The following PSD3 variants were observed in gnomAD, a reference collection of about 807,000 sequenced individuals.
PSD3 encodes the protein pleckstrin and Sec7 domain containing 3, also known as PH and SEC7 domain-containing protein 3.
In PSD3, 49 loss-of-function variants were observed where a neutral mutation model predicts 105.5. The observed-to-expected ratio is 0.46, with a 90% CI of 0.37 to 0.59. The LOEUF (loss-of-function observed/expected upper bound fraction) is 0.59. PSD3 is among the 20% of genes least tolerant of loss of function. The pLI, the probability that PSD3 is intolerant of heterozygous loss-of-function variation, is 0.00. For synonymous variants in PSD3, 557 were observed against 457.8 expected (o/e 1.22, Z -2.77); for missense variants, 1,561 against 1,263.8 (o/e 1.24, Z -3.57).
At chr8:18,654,969 T>C (rs999989208) in intron 10 of PSD3, among the ~76,000 whole-genome samples, 3 of 152,148 alleles carry the variant, frequency 2.0e-5, no homozygotes, top group Non-Finnish European at 4.4e-5. Flanking sequence ...CCATTTGTAT[T>C]ACATTTTGCA....
chr8:18,995,361 G>A (rs1342983729), intron 1 of PSD3, among the ~76,000 whole-genome samples: 5 of 151,980 alleles, frequency 3.3e-5, no homozygotes, highest in Non-Finnish European at 5.9e-5. Flanking sequence ...TTTTTGCAAA[G>A]ATCAATAAAA....
At chr8:18,953,100 T>C (rs1419953879) in intron 1 of PSD3, among the ~76,000 whole-genome samples, 2 of 152,182 alleles carry the variant, frequency 1.3e-5, no homozygotes, top group South Asian at 4.1e-4. Flanking sequence ...AAATGGCGAA[T>C]ACACATTAAA....
At chr8:18,823,859 G>C (rs569818812) in intron 4 of PSD3, among the ~76,000 whole-genome samples, 1 of 151,726 alleles carries the variant, frequency 6.6e-6, no homozygotes, top group Non-Finnish European at 1.5e-5. Context: ...CTGACAAGGC[G>C]GCCTAGAAAG....
chr8:18,647,966 C>T (rs1215161600), intron 10 of PSD3, among the ~76,000 whole-genome samples: 2 of 152,176 alleles, frequency 1.3e-5, no homozygotes, highest in Non-Finnish European at 2.9e-5. Flanking sequence ...GAGGCCTCCC[C>T]AGAAGCTGAG....
At chr8:18,690,038 A>G (rs10503627) in intron 9 of PSD3, among the ~76,000 whole-genome samples, 9 of 152,170 alleles carry the variant, frequency 5.9e-5, no homozygotes, top group Non-Finnish European at 1.3e-4. Context: ...TGAAAGCTAA[A>G]TATTCCACGA....
At chr8:19,003,088 G>A (rs1826486224) in intron 1 of PSD3, among the ~76,000 whole-genome samples, 1 of 152,048 alleles carries the variant, frequency 6.6e-6, no homozygotes, top group Non-Finnish European at 1.5e-5. Context: ...ATGATGCAGT[G>A]AGGCACAGAG....
At position 18,527,710 on chromosome 8, in the gene PSD3, CT is replaced by C. The variant is rs1436542633; in HGVS notation, c.*8032del. The C allele has an allele frequency of 2.6e-5, 4 of 152,672 alleles. No homozygotes were observed. In the East Asian group the frequency reaches 7.7e-4, roughly 29 times the overall value. 9.5% of individuals were successfully genotyped at this position (152,672 alleles called of 1,614,324 possible). On this transcript the variant is annotated 3_prime_UTR_variant, in exon 16 of 16. Transcript: ENST00000327040. ...ACAATATCCACACAAATTACTGTTC[CT>C]TTCAAAAGAAGACCACCACAAACGC...
At chr8:18,581,203 T>G (rs908772931) in intron 12 of PSD3, among the ~76,000 whole-genome samples, 7 of 152,224 alleles carry the variant, frequency 4.6e-5, no homozygotes, top group African/African-American at 7.2e-5. Flanking sequence ...TGGAATCATT[T>G]TAATGTCAAT....
intron 9 of PSD3, among the ~76,000 whole-genome samples, chr8:18,703,450 T>C (rs1201009968): frequency 2.6e-5 from 4 of 152,190 alleles, no homozygotes; most frequent in African/African-American, 7.2e-5. Context: ...CACTAGGTGG[T>C]TGGACTCTGA....
intron 1 of PSD3, among the ~76,000 whole-genome samples, chr8:19,019,168 A>C (rs979604642): frequency 2.0e-5 from 3 of 152,222 alleles, no homozygotes; most frequent in African/African-American, 7.2e-5. Flanking sequence ...CCAAGCAAAA[A>C]AAACAGAGAT....
chr8:18,726,391 G>T (rs1290843080), intron 9 of PSD3, among the ~76,000 whole-genome samples: 1 of 152,154 alleles, frequency 6.6e-6, no homozygotes, highest in Non-Finnish European at 1.5e-5. Context: ...GAACATAGCT[G>T]CTTAAAAGAT....
At chr8:18,789,025 C>T (rs1416088434) in intron 8 of PSD3, among the ~76,000 whole-genome samples, 1 of 152,122 alleles carries the variant, frequency 6.6e-6, no homozygotes, top group Non-Finnish European at 1.5e-5. Flanking sequence ...CATTTAAGTG[C>T]TAAAAGCTCA....
chr8:18,702,662 G>A (rs1370274252), intron 9 of PSD3, among the ~76,000 whole-genome samples: 1 of 151,832 alleles, frequency 6.6e-6, no homozygotes, highest in Non-Finnish European at 1.5e-5. Context: ...GCCCAGGCTG[G>A]AGTGCAGTGG....
chr8:19,068,336 C>A (rs1441943843), intron 1 of PSD3, among the ~76,000 whole-genome samples: 1 of 151,116 alleles, frequency 6.6e-6, no homozygotes, highest in East Asian at 1.9e-4. Flanking sequence ...GTTGCCCAGG[C>A]TGGAGTGCCA....
chr8:18,975,325 T>TC (rs918443849), intron 1 of PSD3, among the ~76,000 whole-genome samples: 1 of 152,036 alleles, frequency 6.6e-6, no homozygotes, highest in African/African-American at 2.4e-5. Context: ...TTTTTTTTTT[T>TC]TTTTTTTTTG....
At chr8:18,967,937 C>A (rs888438986) in intron 1 of PSD3, among the ~76,000 whole-genome samples, 5 of 152,176 alleles carry the variant, frequency 3.3e-5, no homozygotes, top group African/African-American at 1.2e-4. Context: ...AGGAGAATTG[C>A]TTCCAATATC....
chr8:18,825,039 TTGAC>T (rs1813065213), intron 4 of PSD3, among the ~76,000 whole-genome samples: 1 of 152,224 alleles, frequency 6.6e-6, no homozygotes, highest in African/African-American at 2.4e-5. Context: ...TCAGATTTAT[TTGAC>T]TATGAATCAT....
At chr8:18,959,172 C>T (rs191327760) in intron 1 of PSD3, among the ~76,000 whole-genome samples, 9 of 152,138 alleles carry the variant, frequency 5.9e-5, no homozygotes, top group African/African-American at 1.4e-4. Context: ...CCGCCCGACT[C>T]GGCCTCCCAA....
chr8:18,653,411 G>C (rs1808664244), intron 10 of PSD3, among the ~76,000 whole-genome samples: 2 of 151,866 alleles, frequency 1.3e-5, no homozygotes, highest in Non-Finnish European at 2.9e-5. Flanking sequence ...TACAGCATCA[G>C]GCATCAATTG....
Sources: allele counts gnomAD v4.1 joint callset (sites outside exome capture counted in the v4.1 genomes callset), GRCh38; gene constraint gnomAD v4.1.1; transcripts MANE v1.5; gene names NCBI Gene and HGNC (gene_info 2026-07-23, HGNC 2026-07-21).